The following ATXN10 variants were observed in gnomAD, a reference collection of about 807,000 sequenced individuals.
ATXN10 encodes the protein ataxin 10.
ATXN10 carries 28 observed loss-of-function variants against 52.9 expected under a neutral mutation model. The observed-to-expected ratio is 0.53, with a 90% CI of 0.39 to 0.73. ATXN10 has a LOEUF of 0.73. Ranked by LOEUF, ATXN10 falls within the 30% of genes least tolerant of loss-of-function variation. The probability of loss-of-function intolerance (pLI) is 0.00; values close to 1 mark genes in which losing one functional copy is unlikely to be tolerated. For missense variants in ATXN10, 565 were observed against 577.0 expected, an observed-to-expected ratio of 0.98 and a Z score of 0.21; for synonymous variants, 226 against 221.5, an observed-to-expected ratio of 1.02 and a Z score of -0.18.
Position 45,781,903 on chromosome 22 carries a change from A to AT in ATXN10, c.1174-25055dup. Among the ~76,000 whole-genome samples, 1 of 152,362 alleles carries AT rather than the reference A, an allele frequency of 6.6e-6. No homozygotes were observed. Among genetic ancestry groups the AT allele is most frequent in the South Asian group, 2.1e-4 (1 of 4,832 alleles). On this transcript the variant is annotated intron_variant, in intron 9 of 11. Transcript: ENST00000252934. The surrounding 1 kb of genome is among the most constrained non-coding windows in gnomAD (Gnocchi z 4.2). Reference sequence around the variant, plus strand: ...AAAAATCAGTGAACTGGAGGATGGAATAAAAATTATCCAGTCTGAACAACA... The same window carrying AT: ...AAAAATCAGTGAACTGGAGGATGGAATTAAAAATTATCCAGTCTGAACAACA...
intron 5 of ATXN10, among the ~76,000 whole-genome samples, chr22:45,716,633 C>T (rs561538232): frequency 7.8e-4 from 119 of 152,128 alleles, no homozygotes; most frequent in South Asian, 1.9e-3. Context: ...GTGTGAGCCA[C>T]GGCCTGGAAT....
In ATXN10 at chr22:45,772,588, A is replaced by C. The variant is rs571578299; in HGVS notation, c.1173+32050A>C. On this transcript the variant is annotated intron_variant, in intron 9 of 11. Transcript: ENST00000252934. The surrounding 1 kb of genome is among the most constrained non-coding windows in gnomAD (Gnocchi z 4.1). Reference sequence around the variant, plus strand: ...TTTAGAATAGCTTTTTCATAACTCTACAAAACTCTGCTGTGATTGTGATTG... The same window carrying C: ...TTTAGAATAGCTTTTTCATAACTCTCCAAAACTCTGCTGTGATTGTGATTG... Among the ~76,000 whole-genome samples the C allele has an allele frequency of 6.6e-6, 1 of 152,138 alleles. No individual in the cohort carries two copies. Among genetic ancestry groups the C allele is most frequent in the African/African-American group, 2.4e-5 (1 of 41,416 alleles).
chr22:45,788,628 C>T (rs1446069634), intron 9 of ATXN10, among the ~76,000 whole-genome samples: 6 of 151,914 alleles, frequency 3.9e-5, no homozygotes, highest in Non-Finnish European at 8.8e-5. Flanking sequence ...TTCCACCCTT[C>T]TGTGAATCTG....
rs941386073 is a variant in ATXN10 at position 45,696,218 on chromosome 22, A to C, written c.391+3140A>C. Among the ~76,000 whole-genome samples, 1 of 152,332 alleles carries C rather than the reference A, an allele frequency of 6.6e-6. No homozygotes were observed. The highest frequency in any genetic ancestry group is 6.5e-5 in the Admixed American group (1 of 15,298). ...TAATAAAAGGGAAGCATCAGTACTC[A>C]AAATTGGGGAATTATAAATTAGCAG... On this transcript the variant is annotated intron_variant, in intron 3 of 11. Coordinates refer to ENST00000252934, the MANE Select transcript of ATXN10 (RefSeq NM_013236.4). This position sits in a 1 kb window ranked among gnomAD's most constrained non-coding sequence, Gnocchi z 4.7.
chr22:45,708,785 G>A lies in ATXN10; in HGVS notation c.647+5938G>A, dbSNP rs184975520. Among the ~76,000 whole-genome samples the A allele has an allele frequency of 2.0e-5, 3 of 152,192 alleles. No individual in the cohort carries two copies. Among genetic ancestry groups the A allele is most frequent in the Admixed American group, 6.5e-5 (1 of 15,298 alleles). On this transcript the variant is annotated intron_variant, in intron 5 of 11. Coordinates refer to ENST00000252934, the MANE Select transcript of ATXN10 (RefSeq NM_013236.4). This position sits in a 1 kb window ranked among gnomAD's most constrained non-coding sequence, Gnocchi z 5.3. ...CCCCTGAGTAGCCAGGACTACAGGC[G>A]TGCGCCACCACGCCTGGCTAATTTT...
rs1275311005 is a variant in ATXN10, at chr22:45,772,529, A to G, written c.1173+31991A>G. On this transcript the variant is annotated intron_variant, in intron 9 of 11. Transcript: ENST00000252934. The surrounding 1 kb of genome is among the most constrained non-coding windows in gnomAD (Gnocchi z 4.1). ...AGTGTGATTCATCCAACTTTATTTT[A>G]GTGATTTAATCTTCTTTACCCTTCC... Among the ~76,000 whole-genome samples, 2 of 152,206 alleles carry G rather than the reference A, an allele frequency of 1.3e-5. No homozygotes were observed. Among genetic ancestry groups the G allele is most frequent in the Admixed American group, 6.5e-5 (1 of 15,280 alleles).
At chr22:45,802,332 G>T (rs1927957028) in intron 9 of ATXN10, among the ~76,000 whole-genome samples, 1 of 152,194 alleles carries the variant, frequency 6.6e-6, no homozygotes, top group Non-Finnish European at 1.5e-5. Context: ...CTTGTTTAAT[G>T]AAGTGCTGAC....
chr22:45,821,381 G>A (rs972375163), intron 10 of ATXN10, among the ~76,000 whole-genome samples: 1 of 149,188 alleles, frequency 6.7e-6, no homozygotes, highest in Non-Finnish European at 1.5e-5. Flanking sequence ...ACCTAGCACA[G>A]TTTCCTCCAG....
In ATXN10 at chr22:45,681,820, C is replaced by T. The variant is rs1365662910; in HGVS notation, c.117-7892C>T. ...AGTCAGGTATTTCATGCTCCACCCT[C>T]TTCAAACCTCCATCCCATCTCCCTC... On this transcript the variant is annotated intron_variant, in intron 1 of 11. Transcript: ENST00000252934. The surrounding 1 kb of genome is among the most constrained non-coding windows in gnomAD (Gnocchi z 4.2). Among the ~76,000 whole-genome samples, 1 of 151,920 alleles carries T rather than the reference C, an allele frequency of 6.6e-6. No homozygotes were observed. Among genetic ancestry groups the T allele is most frequent in the African/African-American group, 2.4e-5 (1 of 41,342 alleles).
intron 10 of ATXN10, among the ~76,000 whole-genome samples, chr22:45,836,970 A>G (rs1041788032): frequency 6.6e-6 from 1 of 152,182 alleles, no homozygotes; most frequent in Non-Finnish European, 1.5e-5. Context: ...CCCCTCTGGG[A>G]GAGGTTCTAA....
chr22:45,678,550 A>G lies in ATXN10; in HGVS notation c.116+6371A>G, dbSNP rs922980886. ...TGCTATTTTTGTTTCATAATAAAAT[A>G]GCCTTTTATGTATCTTTTTCCCTAC... On this transcript the variant is annotated intron_variant, in intron 1 of 11. Transcript: ENST00000252934. The surrounding 1 kb of genome is among the most constrained non-coding windows in gnomAD (Gnocchi z 4.1). 6.6e-6 allele frequency: 1 copy of G among 152,208 alleles called. No homozygotes were observed. The highest frequency in any genetic ancestry group is 1.5e-5 in the Non-Finnish European group (1 of 68,038). 9.4% of individuals were successfully genotyped at this position (152,208 alleles called of 1,614,324 possible). A position where few individuals can be genotyped will look rare whatever the true frequency, so the allele number is the denominator to read the frequency against.
At chr22:45,735,351 T>C (rs905170324) in intron 7 of ATXN10, among the ~76,000 whole-genome samples, 1 of 151,962 alleles carries the variant, frequency 6.6e-6, no homozygotes, top group Admixed American at 6.6e-5. Flanking sequence ...TGGAGCGTAG[T>C]GGTGCAGTCG....
In ATXN10 at chr22:45,842,958, G is replaced by A. The variant is rs138446709; in HGVS notation, c.1238-33G>A. On this transcript the variant is annotated intron_variant, in intron 10 of 11. Coordinates refer to ENST00000252934, the MANE Select transcript of ATXN10 (RefSeq NM_013236.4). The surrounding 1 kb of genome is among the most constrained non-coding windows in gnomAD (Gnocchi z 4.8). ...TTATGTGAAGTTATCAAACAGGAAA[G>A]TACGTTGTCACATTCCTTCACTCTG... is the stretch of plus-strand genomic sequence containing the variant. 434 of 1,606,234 alleles carry A rather than the reference G, an allele frequency of 2.7e-4. 3 individuals carry two copies. The African/African-American group carries it at 5.1e-3, about 19-fold the overall frequency.
At position 45,701,757 on chromosome 22, in the gene ATXN10, A is replaced by G. The variant is rs1394518313; in HGVS notation, c.489-932A>G. 6.6e-6 allele frequency among the ~76,000 whole-genome samples: 1 copy of G among 152,218 alleles called. No homozygotes were observed. The highest frequency in any genetic ancestry group is 2.4e-5 in the African/African-American group (1 of 41,456). On this transcript the variant is annotated intron_variant, in intron 4 of 11. Coordinates refer to ENST00000252934, the MANE Select transcript of ATXN10 (RefSeq NM_013236.4). The surrounding 1 kb of genome is among the most constrained non-coding windows in gnomAD (Gnocchi z 4.2). ...GTTGGGGAAGTAAAGGAACAGGCAC[A>G]TAGGTTGTGATGTAAGAACTAAGGT...
chr22:45,843,158 A>G lies in ATXN10; in HGVS notation c.1405A>G (p.Thr469Ala), dbSNP rs201385485. Reference protein sequence around the residue: ...KKGEKLILKSTRDTPKP With the variant: ...KKGEKLILKSARDTPKP ...AGGCGAAAAGCTGATCCTGAAATCT[A>G]CTAGAGACACCCCTAAGCCAGTAAG... is the stretch of plus-strand genomic sequence containing the variant. Residue 469 changes from threonine (T) to alanine (A), a missense_variant, in exon 11 of 12, where the codon ACT becomes GCT. Transcript: ENST00000252934. This position sits in a 1 kb window ranked among gnomAD's most constrained non-coding sequence, Gnocchi z 4.5. 5.0e-6 allele frequency: 8 copies of G among 1,613,974 alleles called. No individual in the cohort carries two copies. The highest frequency in any genetic ancestry group is 1.7e-4 in the Middle Eastern group (1 of 6,058).
At chr22:45,751,261 T>C (rs540605705) in intron 9 of ATXN10, among the ~76,000 whole-genome samples, 22 of 152,320 alleles carry the variant, frequency 1.4e-4, no homozygotes, top group African/African-American at 4.8e-4. Context: ...TTTGTACACC[T>C]CTTAACCCTT....
intron 10 of ATXN10, among the ~76,000 whole-genome samples, chr22:45,831,790 T>C (rs1027179521): frequency 6.6e-6 from 1 of 152,180 alleles, no homozygotes; most frequent in Admixed American, 6.5e-5. Flanking sequence ...TGAGAGATCA[T>C]TTTGTCTCCC....
rs532988477 is a variant in ATXN10 at position 45,770,596 on chromosome 22, G to C, written c.1173+30058G>C. On this transcript the variant is annotated intron_variant, in intron 9 of 11. Transcript: ENST00000252934. The surrounding 1 kb of genome is among the most constrained non-coding windows in gnomAD (Gnocchi z 4.5). ...TGGACTCTGGAGTCCTCCCAGAATG[G>C]ACCAGACCTGAGGGCTTCACAGAGA... is the stretch of plus-strand genomic sequence containing the variant. Among the ~76,000 whole-genome samples, 1 of 152,334 alleles carries C rather than the reference G, an allele frequency of 6.6e-6. No individual in the cohort carries two copies. Among genetic ancestry groups the C allele is most frequent in the East Asian group, 1.9e-4 (1 of 5,182 alleles).
chr22:45,704,055 C>T (rs953455481), intron 5 of ATXN10: 3 of 152,002 alleles, frequency 2.0e-5, no homozygotes, highest in Admixed American at 1.3e-4. Context: ...GAGCTGTTCC[C>T]CTAGACTCTG....
Sources: allele counts gnomAD v4.1 joint callset (sites outside exome capture counted in the v4.1 genomes callset), GRCh38; gene constraint gnomAD v4.1.1; non-coding constraint Gnocchi (gnomAD v3.1); transcripts MANE v1.5; gene names NCBI Gene and HGNC (gene_info 2026-07-23, HGNC 2026-07-21).